Variants in RIPOR2 observed in about 807,000 individuals in gnomAD.
RIPOR2 encodes RHO family interacting cell polarization regulator 2, also known as rho family-interacting cell polarization regulator 2.
RIPOR2 carries 39 observed loss-of-function variants against 114.5 expected under a neutral mutation model. The observed-to-expected ratio is 0.34, with a 90% CI of 0.26 to 0.44. The LOEUF is 0.44. RIPOR2 is among the 20% of genes least tolerant of loss of function. RIPOR2 has a pLI of 1.00. For synonymous variants in RIPOR2, 445 were observed against 484.4 expected (o/e 0.92, Z 1.07); for missense variants, 1,007 against 1,255.1 (o/e 0.80, Z 2.99).
chr6:25,017,031 G>C (rs886346689), intron 1 of RIPOR2, among the ~76,000 whole-genome samples: 5 of 152,172 alleles, frequency 3.3e-5, no homozygotes, highest in African/African-American at 1.2e-4. Flanking sequence ...TGGGGAGGTA[G>C]GGACTGGAAC....
intron 1 of RIPOR2, among the ~76,000 whole-genome samples, chr6:24,924,188 C>T (rs918662499): frequency 1.3e-5 from 2 of 152,198 alleles, no homozygotes; most frequent in African/African-American, 4.8e-5. Context: ...AATGCATTTC[C>T]AATTTGTGGT....
intron 1 of RIPOR2, among the ~76,000 whole-genome samples, chr6:25,011,265 ATGTAGGTATATATGTGTGTG>A (rs1248466121): frequency 6.6e-6 from 1 of 152,164 alleles, no homozygotes; most frequent in African/African-American, 2.4e-5. Flanking sequence ...GTATATGTAC[ATGTAGGTATATATGTGTGTG>A]CATGTATATA....
intron 20 of RIPOR2, among the ~76,000 whole-genome samples, chr6:24,810,698 T>C (rs944213890): frequency 6.6e-6 from 1 of 152,166 alleles, no homozygotes; most frequent in Non-Finnish European, 1.5e-5. Context: ...GATATATCAC[T>C]GGATATCAGG....
At chr6:24,910,900 C>A in intron 1 of RIPOR2, 1 of 985,374 alleles carries the variant, frequency 1.0e-6, no homozygotes, top group African/African-American at 1.7e-5. Flanking sequence ...ATGCAATGCC[C>A]GGAGCTGCCC....
chr6:24,872,690 G>C (rs1431624733), intron 4 of RIPOR2, among the ~76,000 whole-genome samples, 191 bp downstream of exon 4: 1 of 152,132 alleles, frequency 6.6e-6, no homozygotes, highest in Non-Finnish European at 1.5e-5. Flanking sequence ...ATATTGAAAA[G>C]TATTAACTAG....
chr6:24,930,808 C>T (rs956353307), intron 1 of RIPOR2, among the ~76,000 whole-genome samples: 2 of 152,234 alleles, frequency 1.3e-5, no homozygotes, highest in Non-Finnish European at 2.9e-5. Context: ...CAATTCTTTT[C>T]AACCCAGGAA....
In RIPOR2 at chr6:24,830,512, G is replaced by C; in HGVS notation, c.2503C>G (p.Pro835Ala). 1 of 1,550,170 alleles carries C rather than the reference G, an allele frequency of 6.5e-7. No individual in the cohort carries two copies. Among genetic ancestry groups the C allele is most frequent in the South Asian group, 1.2e-5 (1 of 83,966 alleles). ...TCTCTCTACTGCTGCCTCATACCTG[G>C]GTCTGCAAGTCCTGGATATTCTTTG... Reference protein sequence around the residue: ...VNKEYPGLADPVFRTLVSQIL... With the variant: ...VNKEYPGLADAVFRTLVSQIL... The change falls in exon 17 of 22, where the codon CCA (proline) becomes GCA (alanine). Residue 835 changes from proline (P) to alanine (A), a missense_variant. Coordinates refer to ENST00000643898, the MANE Select transcript of RIPOR2 (RefSeq NM_001286445.3).
intron 1 of RIPOR2, among the ~76,000 whole-genome samples, chr6:24,954,475 A>G (rs1330809110): frequency 1.9e-4 from 3 of 15,954 alleles, no homozygotes; most frequent in South Asian, 2.3e-3. Context: ...TTTTTTTTTG[A>G]GACAGGGTCT....
Position 24,844,942 on chromosome 6 carries a change from A to G in RIPOR2, c.1165-1388T>C, listed in dbSNP as rs1442266178. 3.3e-5 allele frequency among the ~76,000 whole-genome samples: 5 copies of G among 152,252 alleles called. No individual in the cohort carries two copies. The East Asian group carries it at 9.6e-4, about 29-fold the overall frequency. On this transcript the variant is annotated intron_variant, in intron 12 of 21. Transcript: ENST00000643898. ...CATTACAGCAAATGCAGTGAAGAGC[A>G]GAAGGGAAGACAAAGGCTCCCCTTC...
At chr6:24,845,893 G>C (rs1392851267) in intron 12 of RIPOR2, among the ~76,000 whole-genome samples, 1 of 152,194 alleles carries the variant, frequency 6.6e-6, no homozygotes, top group African/African-American at 2.4e-5. Flanking sequence ...GCTCCTGAAA[G>C]GAGGTGGTGC....
intron 1 of RIPOR2, among the ~76,000 whole-genome samples, chr6:24,925,647 A>G (rs950420396): frequency 1.3e-5 from 2 of 152,218 alleles, no homozygotes; most frequent in Non-Finnish European, 2.9e-5. Flanking sequence ...GGTTGCAGTG[A>G]ACCAAGATTG....
chr6:25,023,916 A>G, intron 1 of RIPOR2: 1 of 722,098 alleles, frequency 1.4e-6, no homozygotes, highest in East Asian at 2.7e-5. Flanking sequence ...CCAGGATTCC[A>G]GCCTCGTAGC....
At chr6:24,906,396 A>G (rs947792243) in intron 1 of RIPOR2, among the ~76,000 whole-genome samples, 5 of 152,212 alleles carry the variant, frequency 3.3e-5, no homozygotes, top group African/African-American at 1.2e-4. Flanking sequence ...GAATAGGCAC[A>G]TGAATGAAAT....
At chr6:24,972,936 A>G (rs1303012256) in intron 1 of RIPOR2, among the ~76,000 whole-genome samples, 1 of 152,234 alleles carries the variant, frequency 6.6e-6, no homozygotes, top group Non-Finnish European at 1.5e-5. Flanking sequence ...ACGTCTGTTA[A>G]TGTGAATCTT....
chr6:24,902,115 T>G (rs1273043211), intron 1 of RIPOR2, among the ~76,000 whole-genome samples: 1 of 152,200 alleles, frequency 6.6e-6, no homozygotes. Flanking sequence ...AGCAGTCAAC[T>G]GGCTGGAGGA....
At chr6:25,004,653 A>G (rs190100506) in intron 1 of RIPOR2, among the ~76,000 whole-genome samples, 212 of 152,284 alleles carry the variant, frequency 1.4e-3, no homozygotes, top group African/African-American at 5.0e-3. Context: ...CTGAGGGACT[A>G]TTTGTCCCGA....
intron 1 of RIPOR2, among the ~76,000 whole-genome samples, chr6:24,981,563 A>G (rs947036150): frequency 6.6e-6 from 1 of 152,210 alleles, no homozygotes; most frequent in African/African-American, 2.4e-5. Flanking sequence ...CTGGGAGTAT[A>G]AATCTGTACT....
At chr6:24,821,251 C>T (rs1370939363) in intron 19 of RIPOR2, among the ~76,000 whole-genome samples, 1 of 147,112 alleles carries the variant, frequency 6.8e-6, no homozygotes, top group African/African-American at 2.5e-5. Flanking sequence ...GGTGCAATCT[C>T]GGCTCACTGC....
At position 25,008,314 on chromosome 6, in the gene RIPOR2, CTAAGTTAAGGG is replaced by C. The variant is rs375446226; in HGVS notation, c.76+33526_76+33536del. Among the ~76,000 whole-genome samples the C allele has an allele frequency of 6.6e-3, 1,006 of 152,276 alleles. 11 individuals are homozygous for C. The highest frequency in any genetic ancestry group is 0.023 in the African/African-American group (938 of 41,560). ...TACAGGCGTGAGCCACCGTGCCCAG[CTAAGTTAAGGG>C]TCTTGAGATGGGGAGATGGCCCTGG... On this transcript the variant is annotated intron_variant, in intron 1 of 13. Coordinates refer to the RIPOR2 transcript ENST00000510784.
Sources: gnomAD v4.1 joint callset for allele counts (sites outside exome capture counted in the v4.1 genomes callset) on GRCh38, gnomAD v4.1.1 for gene constraint, MANE v1.5 for transcripts, NCBI Gene and HGNC (gene_info 2026-07-23, HGNC 2026-07-21) for gene names.